Variants in NOTUM observed in about 807,000 individuals in gnomAD.
NOTUM encodes the protein palmitoleoyl-protein carboxylesterase NOTUM.
In NOTUM, 36 loss-of-function variants were observed where a neutral mutation model predicts 65.5. That is an observed-to-expected ratio of 0.55 (90% confidence interval 0.42 to 0.73). The LOEUF (loss-of-function observed/expected upper bound fraction) is 0.73, where lower values mean the gene tolerates loss of function less well. NOTUM is among the 30% of genes least tolerant of loss of function. The probability of loss-of-function intolerance (pLI) is 0.00; values close to 1 mark genes in which losing one functional copy is unlikely to be tolerated. For missense variants in NOTUM, 659 were observed against 694.2 expected (o/e 0.95, Z 0.57); for synonymous variants, 356 against 297.9 (o/e 1.20, Z -2.01).
In NOTUM at chr17:81,960,555, C is replaced by CGGGGCGGGGAGGTGCAG. The variant is rs2041466979; in HGVS notation, c.323+15_323+31dup. On this transcript the variant is annotated intron_variant, in intron 1 of 10. Coordinates refer to ENST00000409678, the MANE Select transcript of NOTUM (RefSeq NM_178493.6). The surrounding 1 kb of genome is among the most constrained non-coding windows in gnomAD (Gnocchi z 6.4). Reference sequence around the variant, plus strand: ...CCAGCCGGAGACCGGGCGCGTCGGGCGGGGCGGGGAGGTGCAGGGCGCGGG... The same window carrying CGGGGCGGGGAGGTGCAG: ...CCAGCCGGAGACCGGGCGCGTCGGGCGGGGCGGGGAGGTGCAGGGGGCGGGGAGGTGCAGGGCGCGGG... The CGGGGCGGGGAGGTGCAG allele has an allele frequency of 2.2e-6, 3 of 1,389,758 alleles. No individual in the cohort carries two copies. Among genetic ancestry groups the CGGGGCGGGGAGGTGCAG allele is most frequent in the Non-Finnish European group, 2.9e-6 (3 of 1,045,482 alleles). The allele number at this position is 1,389,758 out of a possible 1,614,324, so 86.1% of individuals were successfully genotyped here.
At chr17:81,954,939 C>CGA (rs1274216976) in intron 9 of NOTUM, among the ~76,000 whole-genome samples, 4 of 112,646 alleles carry the variant, frequency 3.6e-5, no homozygotes, top group African/African-American at 1.2e-4. Context: ...CGATCTCTCT[C>CGA]TCTCTCTCTC....
At chr17:81,953,633 T>C (rs1209481676) in intron 10 of NOTUM, among the ~76,000 whole-genome samples, 1 of 151,102 alleles carries the variant, frequency 6.6e-6, no homozygotes, top group Non-Finnish European at 1.5e-5. Context: ...AGACAAGGTC[T>C]CCCTCTGCCT....
In NOTUM at chr17:81,956,906, C is replaced by T. The variant is rs377172933; in HGVS notation, c.864G>A (p.Thr288=). 127 of 1,611,648 alleles carry T rather than the reference C, an allele frequency of 7.9e-5. No individual in the cohort carries two copies. Among genetic ancestry groups the T allele is most frequent in the East Asian group, 4.5e-4 (20 of 44,862 alleles). The change falls in exon 7 of 11, where the codon ACG becomes ACA. Residue 288 remains threonine, a synonymous_variant. Transcript: ENST00000409678. ...ACCTGATGCCACGGCGGATGGCCTC[C>T]GTGGGCGCGCACGTGATCGTGTCGA... is the stretch of plus-strand genomic sequence containing the variant. ...DCVDTITCAP[T]EAIRRGIRYW...
At position 81,952,688 on chromosome 17, in the gene NOTUM, G is replaced by A. The variant is rs900163664; in HGVS notation, c.*273C>T. On this transcript the variant is annotated 3_prime_UTR_variant, in exon 11 of 11. Transcript: ENST00000409678. Reference sequence around the variant, plus strand: ...GTGCTGTCTGAGCTGGTGGACTGAGGAATCCAGTGCTTCTCTTCTGGCTAC... The same window carrying A: ...GTGCTGTCTGAGCTGGTGGACTGAGAAATCCAGTGCTTCTCTTCTGGCTAC... The A allele has an allele frequency of 3.8e-6, 2 of 533,026 alleles. No individual in the cohort carries two copies. Among genetic ancestry groups the A allele is most frequent in the South Asian group, 2.5e-5 (1 of 40,562 alleles). The allele number at this position is 533,026 out of a possible 1,614,324, so 33.0% of individuals were successfully genotyped here. A position where few individuals can be genotyped will look rare whatever the true frequency, so the allele number is the denominator to read the frequency against.
Position 81,952,719 on chromosome 17 carries a change from C to T in NOTUM, c.*242G>A, listed in dbSNP as rs986848532. 15 of 569,304 alleles carry T rather than the reference C, an allele frequency of 2.6e-5. No homozygotes were observed. Among genetic ancestry groups the T allele is most frequent in the South Asian group, 2.6e-4 (12 of 46,512 alleles). The allele number at this position is 569,304 out of a possible 1,614,324, so 35.3% of individuals were successfully genotyped here. ...AGTGCTTCTCTTCTGGCTACCCCCT[C>T]GTTGTCAGGAAGGACCCCCAGGCCA... On this transcript the variant is annotated 3_prime_UTR_variant, in exon 11 of 11. Transcript: ENST00000409678.
At chr17:81,955,140 G>A (rs1259500660) in intron 9 of NOTUM, among the ~76,000 whole-genome samples, 3 of 151,826 alleles carry the variant, frequency 2.0e-5, no homozygotes, top group Non-Finnish European at 2.9e-5. Flanking sequence ...CCACTACACC[G>A]GACTAATTTT....
chr17:81,960,575 C>A lies in NOTUM; in HGVS notation c.323+12G>T. 6.8e-7 allele frequency: 1 copy of A among 1,475,718 alleles called. No individual in the cohort carries two copies. Among genetic ancestry groups the A allele is most frequent in the South Asian group, 1.3e-5 (1 of 76,908 alleles). 91.4% of individuals were successfully genotyped at this position (1,475,718 alleles called of 1,614,324 possible). On this transcript the variant is annotated intron_variant, in intron 1 of 10. Transcript: ENST00000409678. The surrounding 1 kb of genome is among the most constrained non-coding windows in gnomAD (Gnocchi z 6.4). ...TCGGGCGGGGCGGGGAGGTGCAGGGCGCGGGCCTTACCCGGCGGGGCTGCC... is the reference window on the plus strand; with the variant it reads ...TCGGGCGGGGCGGGGAGGTGCAGGGAGCGGGCCTTACCCGGCGGGGCTGCC...
rs1206361121 is a variant in NOTUM at position 81,952,839 on chromosome 17, A to G, written c.*122T>C. The G allele has an allele frequency of 5.8e-6, 5 of 866,304 alleles. No individual in the cohort carries two copies. The highest frequency in any genetic ancestry group is 7.4e-6 in the Non-Finnish European group (4 of 543,488). The allele number at this position is 866,304 out of a possible 1,614,324, so 53.7% of individuals were successfully genotyped here. ...AGGAGGGCAGTGGGCAGACCCAGAC[A>G]GGGGGGACGGCTGGGGCCCTGTCCC... On this transcript the variant is annotated 3_prime_UTR_variant, in exon 11 of 11. Coordinates refer to ENST00000409678, the MANE Select transcript of NOTUM (RefSeq NM_178493.6).
chr17:81,952,841 G>A lies in NOTUM; in HGVS notation c.*120C>T, dbSNP rs2041397212. The A allele has an allele frequency of 2.3e-6, 2 of 887,352 alleles. No individual in the cohort carries two copies. Among genetic ancestry groups the A allele is most frequent in the Non-Finnish European group, 1.8e-6 (1 of 561,322 alleles). The allele number at this position is 887,352 out of a possible 1,614,324, so 55.0% of individuals were successfully genotyped here. A position where few individuals can be genotyped will look rare whatever the true frequency, so the allele number is the denominator to read the frequency against. On this transcript the variant is annotated 3_prime_UTR_variant, in exon 11 of 11. Transcript: ENST00000409678. ...GAGGGCAGTGGGCAGACCCAGACAG[G>A]GGGGACGGCTGGGGCCCTGTCCCGA...
At position 81,955,455 on chromosome 17, in the gene NOTUM, G is replaced by A. The variant is rs1299331256; in HGVS notation, c.1078C>T (p.Leu360=). Residue 360 remains leucine, a synonymous_variant, in exon 9 of 11, where the codon CTG becomes TTG. Coordinates refer to ENST00000409678, the MANE Select transcript of NOTUM (RefSeq NM_178493.6). The stretch of plus-strand genomic sequence containing the variant: ...CCGAGGTTCTGGATGTACAGCCGCA[G>A]GCCCTCCTGCACCGGCTGCCCCGTC... ...HLTGQPVQEG[L]RLYIQNLGRE... is the part of the protein sequence containing the mutation. 2 of 1,606,282 alleles carry A rather than the reference G, an allele frequency of 1.2e-6. No homozygotes were observed. Among genetic ancestry groups the A allele is most frequent in the South Asian group, 1.1e-5 (1 of 89,888 alleles).
intron 3 of NOTUM, 89 bp downstream of exon 3, chr17:81,959,382 G>T (rs2041456938): frequency 1.4e-5 from 14 of 1,001,074 alleles, no homozygotes; most frequent in Non-Finnish European, 1.9e-5. Flanking sequence ...TGATGTGCGG[G>T]GTGGGGGCCT....
Position 81,953,727 on chromosome 17 carries a change from C to T in NOTUM, c.1185-460G>A, listed in dbSNP as rs555579615. ...CAAGTGATCCTCCCACCTCAGCCTC[C>T]TGAGTAGCTGGGATTACAGGTGTGA... On this transcript the variant is annotated intron_variant, in intron 10 of 10. Coordinates refer to ENST00000409678, the MANE Select transcript of NOTUM (RefSeq NM_178493.6). 3.3e-5 allele frequency among the ~76,000 whole-genome samples: 5 copies of T among 152,188 alleles called. No individual in the cohort carries two copies. In the South Asian group the frequency reaches 1.0e-3, roughly 32 times the overall value.
chr17:81,957,561 C>A (rs1229709201), intron 6 of NOTUM, among the ~76,000 whole-genome samples: 1 of 152,086 alleles, frequency 6.6e-6, no homozygotes, highest in East Asian at 1.9e-4. Flanking sequence ...ATCCAACAAC[C>A]ATGGCGTCCA....
chr17:81,958,958 G>A lies in NOTUM; in HGVS notation c.510C>T (p.Pro170=), dbSNP rs1252345846. The A allele has an allele frequency of 6.2e-7, 1 of 1,613,186 alleles. No individual in the cohort carries two copies. Among genetic ancestry groups the A allele is most frequent in the East Asian group, 2.2e-5 (1 of 44,888 alleles). ...GILSSQPEEN[P]YWWNANMVFI... ...ACACCATGTTTGCGTTCCACCAGTA[G>A]GGGTTCTCCTCCGGCTGTGAGGACA... is the stretch of plus-strand genomic sequence containing the variant. Residue 170 remains proline, a synonymous_variant, in exon 4 of 11, where the codon CCC becomes CCT. Coordinates refer to ENST00000409678, the MANE Select transcript of NOTUM (RefSeq NM_178493.6).
Position 81,956,698 on chromosome 17 carries a change from C to G in NOTUM, c.940G>C (p.Glu314Gln). The change falls in exon 8 of 11, where the codon GAG becomes CAG. Residue 314 changes from glutamate to glutamine, a missense_variant. Coordinates refer to ENST00000409678, the MANE Select transcript of NOTUM (RefSeq NM_178493.6). ...TAGCCAAAGAAGCAGTTCCACTCCT[C>G]GCCCTCCTGGAACTGGCGTCGGCAG... ...ERCRRQFQEGEEWNCFFGYKV... is the reference protein window; with the variant it reads ...ERCRRQFQEGQEWNCFFGYKV... 5 of 1,613,030 alleles carry G rather than the reference C, an allele frequency of 3.1e-6. No homozygotes were observed. Among genetic ancestry groups the G allele is most frequent in the Non-Finnish European group, 4.2e-6 (5 of 1,179,870 alleles).
At chr17:81,958,046 G>T in intron 5 of NOTUM, 138 bp from the exon 6 acceptor site, 1 of 685,734 alleles carries the variant, frequency 1.5e-6, no homozygotes. Context: ...AGGGGCTTGG[G>T]TGGACTGGAG....
Position 81,956,971 on chromosome 17 carries a change from A to G in NOTUM, c.799T>C (p.Trp267Arg). 6.2e-7 allele frequency: 1 copy of G among 1,613,456 alleles called. No homozygotes were observed. Among genetic ancestry groups the G allele is most frequent in the Non-Finnish European group, 8.5e-7 (1 of 1,179,938 alleles). ...CGATACTGCTTGTTGTCCAGGAACC[A>G]GCCGGAGTCAGCCAGGCCTCGCACC... Reference protein sequence around the residue: ...IQVRGLADSGWFLDNKQYRHT... With the variant: ...IQVRGLADSGRFLDNKQYRHT... Residue 267 changes from tryptophan (W) to arginine (R), a missense_variant, in exon 7 of 11, where the codon TGG becomes CGG. Trp to Arg is a moderately radical substitution (Grantham distance 101). Coordinates refer to ENST00000409678, the MANE Select transcript of NOTUM (RefSeq NM_178493.6).
intron 5 of NOTUM, 34 bp from the exon 6 acceptor site, chr17:81,957,942 C>T (rs1411554099): frequency 3.4e-6 from 5 of 1,486,492 alleles, no homozygotes; most frequent in Admixed American, 1.9e-5. Flanking sequence ...CAGGTAGGGG[C>T]CTGGACAGAG....
rs749391503 is a variant in NOTUM at position 81,958,325 on chromosome 17, C to G, written c.592+10G>C. On this transcript the variant is annotated intron_variant, in intron 5 of 10. Transcript: ENST00000409678. ...CTGCCCTGCCATGCCCTGGGAAGGCCGAGACTCACTCTTCTCAGACTTGGA... is the reference window on the plus strand; with the variant it reads ...CTGCCCTGCCATGCCCTGGGAAGGCGGAGACTCACTCTTCTCAGACTTGGA... 4.8e-5 allele frequency: 76 copies of G among 1,596,096 alleles called. 3 individuals carry two copies. The Admixed American group carries it at 1.1e-3, about 23-fold the overall frequency.
Sources: gnomAD v4.1 joint callset for allele counts (sites outside exome capture counted in the v4.1 genomes callset) on GRCh38, gnomAD v4.1.1 for gene constraint, Gnocchi (gnomAD v3.1) non-coding constraint, MANE v1.5 for transcripts, NCBI Gene and HGNC (gene_info 2026-07-23, HGNC 2026-07-21) for gene names.